The following E4F1 variants were observed in gnomAD, a reference collection of about 807,000 sequenced individuals.
The protein encoded by E4F1 is E4F transcription factor 1.
E4F1 carries 30 observed loss-of-function variants against 72.9 expected under a neutral mutation model. The observed-to-expected ratio is 0.41, with a 90% confidence interval of 0.31 to 0.56. E4F1 has a LOEUF of 0.56. Among genes scored for constraint, E4F1 ranks in the 20% least tolerant of loss-of-function variants. The probability of loss-of-function intolerance (pLI) is 0.25; values close to 1 mark genes in which losing one functional copy is unlikely to be tolerated. For missense variants in E4F1, 1,091 were observed against 1,117.5 expected (o/e 0.98, Z 0.34); for synonymous variants, 542 against 478.2 (o/e 1.13, Z -1.74).
chr16:2,226,580 C>T (rs1194989212), intron 1 of E4F1, among the ~76,000 whole-genome samples: 4 of 152,294 alleles, frequency 2.6e-5, no homozygotes, highest in South Asian at 2.1e-4. Flanking sequence ...TTGATCCTGC[C>T]GAGGGACTGA....
intron 2 of E4F1, 40 bp from the exon 3 acceptor site, chr16:2,229,530 G>A: frequency 1.9e-6 from 3 of 1,587,174 alleles, no homozygotes; most frequent in Non-Finnish European, 2.6e-6. Flanking sequence ...TAACTCTGGA[G>A]CATACAGACG....
chr16:2,223,799 C>T (rs751753632), intron 1 of E4F1, 29 bp downstream of exon 1: 102 of 1,532,816 alleles, frequency 6.7e-5, no homozygotes, highest in Non-Finnish European at 8.4e-5. Flanking sequence ...AGGGTGCGGC[C>T]GGGGTGCGGG....
At chr16:2,230,024 A>C (rs2093457637) in intron 3 of E4F1, 1 of 292,858 alleles carries the variant, frequency 3.4e-6, no homozygotes, top group Admixed American at 4.1e-5. Flanking sequence ...CGTAGGCAGC[A>C]ACATCCACCA....
intron 8 of E4F1, 57 bp from the exon 9 acceptor site, chr16:2,233,825 G>T: frequency 6.7e-7 from 1 of 1,487,664 alleles, no homozygotes; most frequent in South Asian, 1.3e-5. Context: ...TTGTGTTCTT[G>T]GTACTGCCAG....
In E4F1 at chr16:2,234,327, G is replaced by A. The variant is rs775303227; in HGVS notation, c.1532G>A (p.Arg511His). ...ATTGCCCATGTGCGTGGCCACCGGC[G>A]CGTCCACTCAGACGAGCGGCCCTAC... ...KTIAHVRGHR[R>H]VHSDERPYPC... Residue 511 changes from arginine (R) to histidine (H), a missense_variant, in exon 10 of 14, where the codon CGC (arginine) becomes CAC (histidine). Around this residue, in one of 5 missense-constraint regions of E4F1, gnomAD observed 622 missense variants for 628.0 expected, o/e 0.99. Transcript: ENST00000301727. The A allele has an allele frequency of 6.8e-6, 11 of 1,612,860 alleles. No individual in the cohort carries two copies. Among genetic ancestry groups the A allele is most frequent in the East Asian group, 2.2e-5 (1 of 44,894 alleles).
At chr16:2,226,485 AGTCATAGCTGTG>A (rs1472240158) in intron 1 of E4F1, among the ~76,000 whole-genome samples, 1 of 152,196 alleles carries the variant, frequency 6.6e-6, no homozygotes, top group African/African-American at 2.4e-5. Flanking sequence ...CCTGCAGGCG[AGTCATAGCTGTG>A]GTTTGGCCCT....
chr16:2,229,017 C>T (rs569337480), intron 2 of E4F1, among the ~76,000 whole-genome samples: 10 of 152,356 alleles, frequency 6.6e-5, no homozygotes, highest in East Asian at 5.8e-4. Context: ...GCTTGTCATC[C>T]GCATTGCACG....
chr16:2,228,220 GC>G, intron 1 of E4F1, 151 bp from the exon 2 acceptor site: 1 of 1,042,836 alleles, frequency 9.6e-7, no homozygotes, highest in Non-Finnish European at 1.4e-6. Flanking sequence ...CTTGTTTTGG[GC>G]CCGAGTGTGT....
At chr16:2,232,962 C>A in intron 6 of E4F1, 49 bp from the exon 7 acceptor site, 1 of 1,612,170 alleles carries the variant, frequency 6.2e-7, no homozygotes, top group Non-Finnish European at 8.5e-7. Context: ...TGGACGCAGC[C>A]GCCACTGGGG....
chr16:2,227,631 C>CT (rs1348387513), intron 1 of E4F1, among the ~76,000 whole-genome samples: 1 of 152,058 alleles, frequency 6.6e-6, no homozygotes, highest in African/African-American at 2.4e-5. Flanking sequence ...TTCAGCCTCC[C>CT]AAAGTGCTGG....
Position 2,234,589 on chromosome 16 carries a change from C to T in E4F1, c.1600C>T (p.Gln534Ter). 1.3e-6 allele frequency: 2 copies of T among 1,591,900 alleles called. No individual in the cohort carries two copies. The highest frequency in any genetic ancestry group is 1.7e-6 in the Non-Finnish European group (2 of 1,169,658). ...CGKRYKTKNAQQVHFRTHLEE... is the reference protein window; with the variant it reads ...CGKRYKTKNA ...CTGACAGGTGTCTCCACAGAACGCA[C>T]AGCAGGTGCACTTCAGGACACACCT... The change falls in exon 11 of 14, where the codon CAG (glutamine) becomes TAG (stop). Residue 534 changes from glutamine to a stop codon, truncating the protein, a stop_gained. Coordinates refer to ENST00000301727, the MANE Select transcript of E4F1 (RefSeq NM_004424.5). LOFTEE classifies it high-confidence loss of function.
At chr16:2,227,403 G>A (rs996003309) in intron 1 of E4F1, among the ~76,000 whole-genome samples, 4 of 151,684 alleles carry the variant, frequency 2.6e-5, no homozygotes, top group African/African-American at 7.3e-5. Flanking sequence ...ACGGAGTCTC[G>A]CTCTTTCGCC....
chr16:2,228,872 C>T (rs1040459671), intron 2 of E4F1, among the ~76,000 whole-genome samples: 1 of 152,232 alleles, frequency 6.6e-6, no homozygotes, highest in African/African-American at 2.4e-5. Flanking sequence ...CACACAGTCC[C>T]TAGGGACTTC....
chr16:2,228,511 G>T lies in E4F1; in HGVS notation c.297G>T (p.Leu99Phe), dbSNP rs144964049. Residue 99 changes from leucine to phenylalanine, a missense_variant, in exon 2 of 14, where the codon TTG (leucine) becomes TTT (phenylalanine). Leu to Phe is a conservative substitution (Grantham distance 22). This residue lies in a region of E4F1 where 362 missense variants were observed against 358.6 expected (regional missense o/e 1.01). Transcript: ENST00000301727. The stretch of plus-strand genomic sequence containing the variant: ...CTGCCACCCCTGCCACCACAGCGTT[G>T]CTGGGCCAGGAGGTGAGCCCTCACC... ...ALPATPATTA[L>F]LGQEVVPAAP... 3.6e-5 allele frequency: 58 copies of T among 1,612,546 alleles called. No homozygotes were observed. Among genetic ancestry groups the T allele is most frequent in the Non-Finnish European group, 4.7e-5 (55 of 1,179,762 alleles).
intron 2 of E4F1, among the ~76,000 whole-genome samples, chr16:2,228,740 C>A (rs1180067366): frequency 6.6e-6 from 1 of 152,178 alleles, no homozygotes; most frequent in Non-Finnish European, 1.5e-5. Context: ...TTCTTGGCAG[C>A]CTCTGGTCGA....
rs1424372583 is a variant in E4F1 at position 2,223,749 on chromosome 16, C to T, written c.136C>T (p.Pro46Ser). ...GGCCCCCAGCGGCTTCCTCGGCCTC[C>T]CGGCGCCCTTCAGCGAGGAAGGTAA... ...ALAPSGFLGL[P>S]APFSEEDEDD... is the part of the protein sequence containing the mutation. Residue 46 changes from proline (P) to serine (S), a missense_variant, in exon 1 of 14, where the codon CCG (proline) becomes TCG (serine). Physicochemically the swap from Pro to Ser is moderately conservative, Grantham distance 74 (BLOSUM62 -1). This residue lies in a region of E4F1 where 362 missense variants were observed against 358.6 expected (regional missense o/e 1.01). Coordinates refer to ENST00000301727, the MANE Select transcript of E4F1 (RefSeq NM_004424.5). 2 of 1,534,104 alleles carry T rather than the reference C, an allele frequency of 1.3e-6. No homozygotes were observed. The highest frequency in any genetic ancestry group is 2.0e-5 in the Admixed American group (1 of 50,040).
rs148945075 is a variant in E4F1, at chr16:2,229,579, G to C, written c.319G>C (p.Ala107Pro). 21 of 1,610,868 alleles carry C rather than the reference G, an allele frequency of 1.3e-5. No individual in the cohort carries two copies. The highest frequency in any genetic ancestry group is 1.8e-5 in the Non-Finnish European group (21 of 1,179,790). The change falls in exon 3 of 14, where the codon GCA becomes CCA. Residue 107 changes from alanine (A) to proline (P), a missense_variant. Ala to Pro is a conservative substitution (Grantham distance 27). Coordinates refer to ENST00000301727, the MANE Select transcript of E4F1 (RefSeq NM_004424.5). ...CTTCCCCCTTTGGCAGGTGGTGCCG[G>C]CAGCACCAGGCCCAGAGGAGCCCAT... is the stretch of plus-strand genomic sequence containing the variant. ...TALLGQEVVP[A>P]APGPEEPITV...
chr16:2,232,823 C>T lies in E4F1; in HGVS notation c.798C>T (p.His266=), dbSNP rs1365217853. The change falls in exon 6 of 14, where the codon CAC becomes CAT. Residue 266 remains histidine (H), a synonymous_variant. Transcript: ENST00000301727. ...GGGAGTCGGGTGCACTGACCCGGCA[C>T]CTCAAGTCTCTCACCCCCTGCACAG... is the stretch of plus-strand genomic sequence containing the variant. ...SFRESGALTR[H]LKSLTPCTEK... The T allele has an allele frequency of 1.2e-6, 2 of 1,613,500 alleles. No individual in the cohort carries two copies. The highest frequency in any genetic ancestry group is 8.5e-7 in the Non-Finnish European group (1 of 1,180,016).
intron 7 of E4F1, 79 bp downstream of exon 7, chr16:2,233,262 C>G (rs1014107499): frequency 6.6e-6 from 10 of 1,517,724 alleles, no homozygotes; most frequent in Non-Finnish European, 8.8e-6. Context: ...GGCACTGGCT[C>G]CAGGGGTCTG....
Sources: allele counts gnomAD v4.1 joint callset (sites outside exome capture counted in the v4.1 genomes callset), GRCh38; gene constraint gnomAD v4.1.1; regional missense constraint gnomAD v4.1.1; transcripts MANE v1.5; gene names NCBI Gene and HGNC (gene_info 2026-07-23, HGNC 2026-07-21).